The following RANBP2 variants were observed in gnomAD, a reference collection of about 807,000 sequenced individuals.
RANBP2 encodes E3 SUMO-protein ligase RanBP2.
RANBP2 carries 57 observed loss-of-function variants against 303.6 expected under a neutral mutation model. That is an observed-to-expected ratio of 0.19 (90% confidence interval 0.15 to 0.23). The LOEUF (loss-of-function observed/expected upper bound fraction) is 0.23, where lower values mean the gene tolerates loss of function less well. Ranked by LOEUF, RANBP2 falls within the 10% of genes least tolerant of loss-of-function variation. RANBP2 has a pLI of 1.00. For synonymous variants in RANBP2, 1,167 were observed against 1,301.5 expected (o/e 0.90, Z 2.23); for missense variants, 3,138 against 3,780.8 (o/e 0.83, Z 4.46).
the RANBP2 span, among the ~76,000 whole-genome samples, chr2:109,371,298 G>C: frequency 6.6e-6 from 1 of 152,242 alleles, no homozygotes; most frequent in Non-Finnish European, 1.5e-5. Flanking sequence ...GCTGAGGCAG[G>C]AGAATCGCTT....
the RANBP2 span, among the ~76,000 whole-genome samples, chr2:108,911,729 T>C: frequency 1.3e-5 from 2 of 152,140 alleles, no homozygotes; most frequent in Non-Finnish European, 2.9e-5. Context: ...GGACTCTGAT[T>C]GTCTTGAACT....
chr2:109,766,525 ATTGTG>A, the RANBP2 span, among the ~76,000 whole-genome samples: 4 of 150,468 alleles, frequency 2.7e-5, no homozygotes, highest in African/African-American at 4.9e-5. Flanking sequence ...GAAGATGAGT[ATTGTG>A]TGTGGGGAAA....
the RANBP2 span, among the ~76,000 whole-genome samples, chr2:108,805,367 G>C: frequency 6.6e-6 from 1 of 152,058 alleles, no homozygotes; most frequent in African/African-American, 2.4e-5. Context: ...GCTAGACTCA[G>C]ACCTTCACAT....
chr2:109,428,500 G>A, the RANBP2 span, among the ~76,000 whole-genome samples: 5 of 152,206 alleles, frequency 3.3e-5, no homozygotes, highest in South Asian at 6.2e-4. Context: ...GCACCGTCCC[G>A]GGTGTGGTGA....
chr2:109,599,963 G>A, the RANBP2 span, among the ~76,000 whole-genome samples: 448 of 152,200 alleles, frequency 2.9e-3, 2 homozygotes, highest in South Asian at 0.022. Context: ...AAACAGGTGC[G>A]CCATTCTGAT....
At chr2:109,282,395 A>G in the RANBP2 span, among the ~76,000 whole-genome samples, 1 of 152,184 alleles carries the variant, frequency 6.6e-6, no homozygotes, top group Non-Finnish European at 1.5e-5. Flanking sequence ...ATACCAAAAC[A>G]TGGGTGTGAA....
chr2:109,439,995 A>G, the RANBP2 span, among the ~76,000 whole-genome samples: 2 of 152,204 alleles, frequency 1.3e-5, no homozygotes, highest in African/African-American at 4.8e-5. Flanking sequence ...AGAGGAGGTG[A>G]TAATGCCTTG....
At chr2:108,935,679 C>CCCTA in the RANBP2 span, among the ~76,000 whole-genome samples, 30 of 152,278 alleles carry the variant, frequency 2.0e-4, no homozygotes, top group South Asian at 4.6e-3. Context: ...CTGCACTAGA[C>CCCTA]ACCGATTCCC....
the RANBP2 span, among the ~76,000 whole-genome samples, chr2:109,232,247 A>G: frequency 6.6e-6 from 1 of 152,242 alleles, no homozygotes; most frequent in Non-Finnish European, 1.5e-5. Context: ...TAGGAGAATT[A>G]CAGTTCCCCA....
At chr2:108,737,553 T>C (rs1695700382) in intron 6 of RANBP2, among the ~76,000 whole-genome samples, 1 of 79,426 alleles carries the variant, frequency 1.3e-5, no homozygotes, top group Admixed American at 1.1e-4. Context: ...CTCAAGCTCT[T>C]TTTTTTTTTT....
the RANBP2 span, among the ~76,000 whole-genome samples, chr2:109,195,020 G>A: frequency 6.6e-6 from 1 of 152,170 alleles, no homozygotes; most frequent in Non-Finnish European, 1.5e-5. Context: ...TTAGAAGTGG[G>A]GGAAATGAAA....
the RANBP2 span, among the ~76,000 whole-genome samples, chr2:108,900,571 A>C: frequency 2.8e-4 from 42 of 147,476 alleles, no homozygotes; most frequent in South Asian, 6.3e-3. Context: ...AAAAAAAAAA[A>C]AACAAAAAAC....
the RANBP2 span, among the ~76,000 whole-genome samples, chr2:109,315,245 A>C: frequency 6.6e-6 from 1 of 152,218 alleles, no homozygotes; most frequent in Non-Finnish European, 1.5e-5. Context: ...GTCTCTCCAT[A>C]GTAAGGCAGA....
the RANBP2 span, among the ~76,000 whole-genome samples, chr2:109,068,438 C>T: frequency 6.6e-6 from 1 of 152,204 alleles, no homozygotes; most frequent in Non-Finnish European, 1.5e-5. Context: ...GGGCCCTGTC[C>T]CCTGTTTTGA....
At chr2:108,806,686 A>AT in the RANBP2 span, among the ~76,000 whole-genome samples, 3 of 152,262 alleles carry the variant, frequency 2.0e-5, no homozygotes, top group Admixed American at 2.0e-4. Context: ...CAATGGGCAT[A>AT]TTTAGCCAGC....
chr2:109,060,643 C>G, the RANBP2 span, among the ~76,000 whole-genome samples: 1 of 152,300 alleles, frequency 6.6e-6, no homozygotes, highest in South Asian at 2.1e-4. Flanking sequence ...TCTCTTGAGT[C>G]AAGATGGCTC....
intron 23 of RANBP2, among the ~76,000 whole-genome samples, chr2:108,775,068 A>G (rs966396098): frequency 1.2e-4 from 18 of 152,174 alleles, no homozygotes; most frequent in African/African-American, 3.6e-4. Context: ...ATTTAATTCT[A>G]TAAGTTTCCT....
At position 108,754,958 on chromosome 2, in the gene RANBP2, A is replaced by T; in HGVS notation, c.2256A>T (p.Glu752Asp). ...AGATGCTTAATTCAGTCATGCAGGA[A>T]CTCGAAGACTATAGTGAAGGAGGTC... ...VKEMLNSVMQ[E>D]LEDYSEGGPL... Residue 752 changes from glutamate (E) to aspartate (D), a missense_variant, in exon 16 of 29, where the codon GAA becomes GAT. Glu to Asp is a conservative substitution (Grantham distance 45). Coordinates refer to ENST00000283195, the MANE Select transcript of RANBP2 (RefSeq NM_006267.5). The T allele has an allele frequency of 6.2e-7, 1 of 1,611,840 alleles. No individual in the cohort carries two copies. Among genetic ancestry groups the T allele is most frequent in the Non-Finnish European group, 8.5e-7 (1 of 1,179,802 alleles).
At chr2:109,490,484 C>A in the RANBP2 span, 2 of 892,152 alleles carry the variant, frequency 2.2e-6, no homozygotes, top group Non-Finnish European at 1.6e-6. Flanking sequence ...AGTCTTTTGT[C>A]TGAAAAAATA....
Sources: gnomAD v4.1 joint callset for allele counts (sites outside exome capture counted in the v4.1 genomes callset) on GRCh38, gnomAD v4.1.1 for gene constraint, MANE v1.5 for transcripts, NCBI Gene and HGNC (gene_info 2026-07-23, HGNC 2026-07-21) for gene names.